Variants in NOTCH1 observed in about 807,000 individuals in gnomAD.
NOTCH1 encodes notch receptor 1, also known as neurogenic locus notch homolog protein 1.
Under a neutral mutation model 254.8 loss-of-function variants are expected in NOTCH1, and 37 were observed. That is an observed-to-expected ratio of 0.15 (90% confidence interval 0.11 to 0.19). The LOEUF is 0.19. Ranked by LOEUF, NOTCH1 falls within the 10% of genes least tolerant of loss-of-function variation. The pLI is 1.00. For synonymous variants in NOTCH1, 1,731 were observed against 1,618.1 expected, an observed-to-expected ratio of 1.07 and a Z score of -1.68; for missense variants, 2,972 against 3,708.6, an observed-to-expected ratio of 0.80 and a Z score of 5.16.
Position 136,497,397 on chromosome 9 carries a change from G to C in NOTCH1, c.6342C>G (p.Asp2114Glu), listed in dbSNP as rs746682300. Reference sequence around the variant, plus strand: ...GCGGGCTGCGCACCAGGTTGTACTCGTCCAGCAGCCTCACGATGTCGTGAT... The same window carrying C: ...GCGGGCTGCGCACCAGGTTGTACTCCTCCAGCAGCCTCACGATGTCGTGAT... ...RMHHDIVRLL[D>E]EYNLVRSPQL... The change falls in exon 34 of 34, where the codon GAC (aspartate) becomes GAG (glutamate). Residue 2114 changes from aspartate (D) to glutamate (E), a missense_variant. Transcript: ENST00000651671. 9.9e-6 allele frequency: 16 copies of C among 1,610,554 alleles called. No individual in the cohort carries two copies. Among genetic ancestry groups the C allele is most frequent in the Non-Finnish European group, 1.4e-5 (16 of 1,179,864 alleles).
In NOTCH1 at chr9:136,509,002, G is replaced by C. The variant is rs1434069438; in HGVS notation, c.3039C>G (p.Phe1013Leu). ...CATCGTGCTGGCAGTAGCTGCCCGT[G>C]AAGCCGGGTGGACACAGGCAGGTGA... ...NSFTCLCPPG[F>L]TGSYCQHDVN... is the part of the protein sequence containing the mutation. Residue 1013 changes from phenylalanine (F) to leucine (L), a missense_variant, in exon 19 of 34, where the codon TTC becomes TTG. Physicochemically the swap from Phe to Leu is conservative, Grantham distance 22. Coordinates refer to ENST00000651671, the MANE Select transcript of NOTCH1 (RefSeq NM_017617.5). The C allele has an allele frequency of 2.6e-6, 4 of 1,561,392 alleles. No individual in the cohort carries two copies. The South Asian group carries it at 4.7e-5, about 18-fold the overall frequency.
Position 136,505,484 on chromosome 9 carries a change from G to A in NOTCH1, c.4412C>T (p.Ala1471Val), listed in dbSNP as rs376799353. 2.9e-5 allele frequency: 46 copies of A among 1,612,728 alleles called. No homozygotes were observed. Among genetic ancestry groups the A allele is most frequent in the Non-Finnish European group, 3.6e-5 (42 of 1,180,014 alleles). Residue 1471 changes from alanine to valine, a missense_variant, in exon 25 of 34, where the codon GCG becomes GTG. Transcript: ENST00000651671. ...GCAGTCACCGCCGTCCCAGCCGCAC[G>A]CGTGGTTGTTGCACTGCAGGCTGCA... ...KVCSLQCNNH[A>V]CGWDGGDCSL...
In NOTCH1 at chr9:136,498,985, G is replaced by C. The variant is rs1060504525; in HGVS notation, c.6094C>G (p.Leu2032Val). The C allele has an allele frequency of 6.2e-7, 1 of 1,613,428 alleles. No homozygotes were observed. The highest frequency in any genetic ancestry group is 1.1e-5 in the South Asian group (1 of 91,088). The change falls in exon 33 of 34, where the codon CTG becomes GTG. Residue 2032 changes from leucine (L) to valine (V), a missense_variant. This residue lies in a region of NOTCH1 where 421 missense variants were observed against 604.4 expected (regional missense o/e 0.70). Transcript: ENST00000651671. ...NAVDDLGKSA[L>V]HWAAAVNNVD... ...TTGTTCACGGCGGCGGCCCAGTGCA[G>C]GGCGGACTTGCCTGCGTGAAAGAAG...
chr9:136,497,660 C>A, intron 33 of NOTCH1, 102 bp from the exon 34 acceptor site: 1 of 993,002 alleles, frequency 1.0e-6, no homozygotes, highest in Non-Finnish European at 1.5e-6. Context: ...ACCTCCTCCG[C>A]GGGGTGGGGG....
intron 26 of NOTCH1, among the ~76,000 whole-genome samples, chr9:136,503,872 C>T (rs1245371696): frequency 2.0e-5 from 3 of 152,234 alleles, no homozygotes; most frequent in Non-Finnish European, 4.4e-5. Flanking sequence ...GGCAAACCCA[C>T]CAGGGTCAGG....
At position 136,514,396 on chromosome 9, in the gene NOTCH1, C is replaced by T. The variant is rs78646875; in HGVS notation, c.2207+114G>A. The T allele has an allele frequency of 1.4e-3, 1,712 of 1,197,600 alleles. 27 individuals carry two copies. The African/African-American group carries it at 0.023, about 16-fold the overall frequency. 74.2% of individuals were successfully genotyped at this position (1,197,600 alleles called of 1,614,324 possible). A position where few individuals can be genotyped will look rare whatever the true frequency, so the allele number is the denominator to read the frequency against. On this transcript the variant is annotated intron_variant, in intron 13 of 33. Coordinates refer to ENST00000651671, the MANE Select transcript of NOTCH1 (RefSeq NM_017617.5). ...AGGGGAGCTCCCTGCCACCCAGCCC[C>T]GTCCGAGGCCCGTTTCTGGCCCATC...
intron 2 of NOTCH1, among the ~76,000 whole-genome samples, chr9:136,527,237 A>G (rs1302647510): frequency 1.3e-5 from 2 of 152,198 alleles, no homozygotes; most frequent in African/African-American, 4.8e-5. Flanking sequence ...CCCTCCGCAC[A>G]GCACCCAGAC....
In NOTCH1 at chr9:136,524,102, G is replaced by T. The variant is rs148969137; in HGVS notation, c.141-123C>A. ...CCCACACCCCGGGCACGGGCACAAC[G>T]GCTGCTTAGCGGGGTTCCCTTAGGG... On this transcript the variant is annotated intron_variant, in intron 2 of 33. Coordinates refer to ENST00000651671, the MANE Select transcript of NOTCH1 (RefSeq NM_017617.5). The T allele has an allele frequency of 3.1e-6, 4 of 1,291,576 alleles. No homozygotes were observed. The South Asian group carries it at 5.1e-5, about 17-fold the overall frequency. 80.0% of individuals were successfully genotyped at this position (1,291,576 alleles called of 1,614,324 possible). A position where few individuals can be genotyped will look rare whatever the true frequency, so the allele number is the denominator to read the frequency against.
rs538923705 is a variant in NOTCH1, at chr9:136,501,307, G to A, written c.5638+441C>T. Reference sequence around the variant, plus strand: ...AAATTAGCCAGGTGTGGTGGCAGGCGCCTGTAGTCCCAGCTACTGGGGAGG... The same window carrying A: ...AAATTAGCCAGGTGTGGTGGCAGGCACCTGTAGTCCCAGCTACTGGGGAGG... On this transcript the variant is annotated intron_variant, in intron 30 of 33. Transcript: ENST00000651671. Among the ~76,000 whole-genome samples the A allele has an allele frequency of 1.4e-4, 21 of 152,192 alleles. No homozygotes were observed. The South Asian group carries it at 2.1e-3, about 15-fold the overall frequency.
rs576327174 is a variant in NOTCH1 at position 136,517,747 on chromosome 9, C to T, written c.1441+5G>A. Reference sequence around the variant, plus strand: ...GGTTTCCCGCCCTGGCCCCGGCCGACGCACCGGGCATGCAGATGCACTGGA... The same window carrying T: ...GGTTTCCCGCCCTGGCCCCGGCCGATGCACCGGGCATGCAGATGCACTGGA... On this transcript the variant is annotated splice_donor_5th_base_variant and intron_variant, in intron 8 of 33. Coordinates refer to ENST00000651671, the MANE Select transcript of NOTCH1 (RefSeq NM_017617.5). 11 of 1,612,542 alleles carry T rather than the reference C, an allele frequency of 6.8e-6. No homozygotes were observed. The highest frequency in any genetic ancestry group is 3.3e-5 in the South Asian group (3 of 91,084).
rs2133351374 is a variant in NOTCH1 at position 136,509,942 on chromosome 9, G to A, written c.2760C>T (p.Gly920=). ...CCGTGTTGATGCCGTCTGTGCAGGA[G>A]CCCCCGTTGTGACACGGGTCTGGGA... ...DCRPNPCHNG[G]SCTDGINTAF... The change falls in exon 18 of 34, where the codon GGC becomes GGT. Residue 920 remains glycine, a synonymous_variant. Coordinates refer to ENST00000651671, the MANE Select transcript of NOTCH1 (RefSeq NM_017617.5). 2 of 1,613,194 alleles carry A rather than the reference G, an allele frequency of 1.2e-6. No homozygotes were observed. Among genetic ancestry groups the A allele is most frequent in the Non-Finnish European group, 1.7e-6 (2 of 1,180,008 alleles).
intron 21 of NOTCH1, 136 bp downstream of exon 21, chr9:136,507,819 G>T: frequency 1.1e-6 from 1 of 937,900 alleles, no homozygotes; most frequent in Non-Finnish European, 1.7e-6. Context: ...GATTACCCCA[G>T]CCCTCCCCTA....
At position 136,518,560 on chromosome 9, in the gene NOTCH1, C is replaced by G. The variant is rs781067091; in HGVS notation, c.1099+31G>C. On this transcript the variant is annotated intron_variant, in intron 6 of 33. Coordinates refer to ENST00000651671, the MANE Select transcript of NOTCH1 (RefSeq NM_017617.5). ...GCTCAGGCCTGGCCCATGTGAGCCC[C>G]CTGCGCCCACCTGGGCCTCAAGGCA... 4 of 1,585,086 alleles carry G rather than the reference C, an allele frequency of 2.5e-6. No individual in the cohort carries two copies. The South Asian group carries it at 4.5e-5, about 18-fold the overall frequency.
At chr9:136,531,773 G>A (rs1004485655) in intron 2 of NOTCH1, among the ~76,000 whole-genome samples, 24 of 152,242 alleles carry the variant, frequency 1.6e-4, no homozygotes, top group Admixed American at 1.2e-3. Context: ...GCCTCCTCCC[G>A]CCTGTCCCGG....
In NOTCH1 at chr9:136,533,241, A is replaced by G. The variant is rs1156582657; in HGVS notation, c.141-9262T>C. On this transcript the variant is annotated intron_variant, in intron 2 of 33. Transcript: ENST00000651671. ...GACCAACCCAGGTCCCTCTATAAGG[A>G]TGGAGAGTGGAGGCCCAAGGGGGGG... 1.7e-5 allele frequency among the ~76,000 whole-genome samples: 2 copies of G among 115,036 alleles called. 1 individual carries two copies. Among genetic ancestry groups the G allele is most frequent in the Non-Finnish European group, 3.5e-5 (2 of 57,328 alleles). The allele number at this position is 115,036 out of a possible 152,430, so 75.5% of individuals were successfully genotyped here.
At chr9:136,508,194 T>C in intron 20 of NOTCH1, 38 bp downstream of exon 20, 1 of 1,609,278 alleles carries the variant, frequency 6.2e-7, no homozygotes, top group South Asian at 1.1e-5. Context: ...AGGACCTTGA[T>C]GGGCTGGGAC....
Position 136,513,640 on chromosome 9 carries a change from C to A in NOTCH1, c.2208-103G>T. On this transcript the variant is annotated intron_variant, in intron 13 of 33. Transcript: ENST00000651671. This position sits in a 1 kb window ranked among gnomAD's most constrained non-coding sequence, Gnocchi z 4.7. ...TGCCCTATGGGCTGGCGGAGGTGCC[C>A]ATCCACTCAGACTCGCAGAGTCCTT... 2 of 1,345,754 alleles carry A rather than the reference C, an allele frequency of 1.5e-6. No individual in the cohort carries two copies. Among genetic ancestry groups the A allele is most frequent in the South Asian group, 1.2e-5 (1 of 81,720 alleles). The allele number at this position is 1,345,754 out of a possible 1,614,324, so 83.4% of individuals were successfully genotyped here. A position where few individuals can be genotyped will look rare whatever the true frequency, so the allele number is the denominator to read the frequency against.
chr9:136,498,212 C>T (rs1334334430), intron 33 of NOTCH1, among the ~76,000 whole-genome samples: 2 of 142,484 alleles, frequency 1.4e-5, no homozygotes, highest in African/African-American at 5.3e-5. Flanking sequence ...CTGAGCCTGA[C>T]ATGCCAAGGG....
intron 2 of NOTCH1, among the ~76,000 whole-genome samples, chr9:136,526,693 G>A (rs997270390): frequency 6.6e-6 from 1 of 152,214 alleles, no homozygotes; most frequent in African/African-American, 2.4e-5. Flanking sequence ...CCCACCCTGA[G>A]CGCGGACCCC....
Sources: allele counts gnomAD v4.1 joint callset (sites outside exome capture counted in the v4.1 genomes callset), GRCh38; gene constraint gnomAD v4.1.1; regional missense constraint gnomAD v4.1.1; non-coding constraint Gnocchi (gnomAD v3.1); transcripts MANE v1.5; gene names NCBI Gene and HGNC (gene_info 2026-07-23, HGNC 2026-07-21).